Variants in MMS22L observed in about 807,000 individuals in gnomAD.
The protein encoded by MMS22L is MMS22 like, DNA repair protein.
MMS22L carries 74 observed loss-of-function variants against 159.1 expected under a neutral mutation model. The ratio of observed to expected loss-of-function variants is 0.47; its 90% CI spans 0.39 to 0.56. MMS22L has a LOEUF of 0.56. Among genes scored for constraint, MMS22L ranks in the 20% least tolerant of loss-of-function variants. The pLI is 0.00. For synonymous variants in MMS22L, 517 were observed against 506.9 expected (o/e 1.02, Z -0.27); for missense variants, 1,351 against 1,422.1 (o/e 0.95, Z 0.80).
intron 14 of MMS22L, among the ~76,000 whole-genome samples, chr6:97,198,362 C>G (rs1806772077): frequency 6.6e-6 from 1 of 152,176 alleles, no homozygotes; most frequent in African/African-American, 2.4e-5. Context: ...ATTAGAGTTA[C>G]TTCCAGACAT....
chr6:97,254,393 C>A, intron 10 of MMS22L, 164 bp downstream of exon 10: 1 of 624,960 alleles, frequency 1.6e-6, no homozygotes, highest in Non-Finnish European at 2.6e-6. Flanking sequence ...AAAACATAAA[C>A]TTTATAATTT....
chr6:97,157,573 T>C (rs888306976), intron 22 of MMS22L, among the ~76,000 whole-genome samples: 1 of 152,212 alleles, frequency 6.6e-6, no homozygotes, highest in Admixed American at 6.5e-5. Context: ...TCTATTGAGA[T>C]AATCATGTGG....
chr6:97,242,435 C>T (rs1812179159), intron 11 of MMS22L, among the ~76,000 whole-genome samples: 3 of 152,252 alleles, frequency 2.0e-5, no homozygotes, highest in South Asian at 4.1e-4. Context: ...TTTTGGGGTC[C>T]ATTTGAATGG....
intron 11 of MMS22L, among the ~76,000 whole-genome samples, chr6:97,241,583 G>T (rs1812079262): frequency 6.6e-6 from 1 of 151,954 alleles, no homozygotes; most frequent in Non-Finnish European, 1.5e-5. Flanking sequence ...CTGTTTCTTG[G>T]CCATTTACAT....
intron 10 of MMS22L, among the ~76,000 whole-genome samples, chr6:97,247,000 T>A (rs1582778136): frequency 6.9e-6 from 1 of 145,842 alleles, no homozygotes; most frequent in South Asian, 2.2e-4. Context: ...AAAAAAAAAA[T>A]TATATAGCCA....
intron 8 of MMS22L, chr6:97,267,020 C>T (rs1443736498): frequency 6.6e-6 from 1 of 152,080 alleles, no homozygotes; most frequent in African/African-American, 2.4e-5. Context: ...TGAGATAATA[C>T]ATATGCTAAT....
chr6:97,169,083 C>G (rs1407821638), intron 19 of MMS22L, among the ~76,000 whole-genome samples: 2 of 152,044 alleles, frequency 1.3e-5, no homozygotes, highest in Non-Finnish European at 2.9e-5. Flanking sequence ...CACTTAACCT[C>G]CACCAACTTC....
rs577606219 is a variant in MMS22L at position 97,231,508 on chromosome 6, T to C, written c.1447A>G (p.Ile483Val). 8.7e-6 allele frequency: 14 copies of C among 1,613,710 alleles called. No individual in the cohort carries two copies. The highest frequency in any genetic ancestry group is 1.1e-5 in the Non-Finnish European group (13 of 1,179,814). The change falls in exon 13 of 25, where the codon ATT becomes GTT. Residue 483 changes from isoleucine to valine, a missense_variant. Coordinates refer to ENST00000683635, the MANE Select transcript of MMS22L (RefSeq NM_001350599.2). ...ACTTTTGCCAGAATACAAAGAAAAA[T>C]AGTATAACTACTGCTGGATTTATAT... ...ELYKSSSSYTIFLCILAKVVK... is the reference protein window; with the variant it reads ...ELYKSSSSYTVFLCILAKVVK...
chr6:97,253,548 T>A (rs1204630681), intron 10 of MMS22L: 1 of 150,564 alleles, frequency 6.6e-6, no homozygotes, highest in Admixed American at 6.7e-5. Context: ...GCAAACTCCG[T>A]CTCCGGGTTC....
chr6:97,194,098 G>A (rs765235921), intron 14 of MMS22L, among the ~76,000 whole-genome samples: 26 of 143,704 alleles, frequency 1.8e-4, no homozygotes, highest in Non-Finnish European at 2.9e-4. Flanking sequence ...TCGCTCTGGT[G>A]CCAGGCTGGA....
intron 14 of MMS22L, among the ~76,000 whole-genome samples, chr6:97,225,572 G>GTTTTTTTTTTTTTTTTTTTTTT (rs202185434): frequency 7.0e-6 from 1 of 142,060 alleles, no homozygotes; most frequent in African/African-American, 2.6e-5. Flanking sequence ...TGGTCTCGAA[G>GTTTTTTTTTTTTTTTTTTTTTT]TTTTTTTTTT....
At chr6:97,234,861 A>T (rs925606569) in intron 11 of MMS22L, among the ~76,000 whole-genome samples, 1 of 152,260 alleles carries the variant, frequency 6.6e-6, no homozygotes, top group Admixed American at 6.5e-5. Context: ...GTCAATAAAG[A>T]CTTGGAAGAA....
At chr6:97,217,052 TG>T (rs1164994807) in intron 14 of MMS22L, among the ~76,000 whole-genome samples, 2 of 152,190 alleles carry the variant, frequency 1.3e-5, no homozygotes, top group Non-Finnish European at 2.9e-5. Flanking sequence ...TCCACCCTTA[TG>T]TTTTCTCTTT....
rs922214984 is a variant in MMS22L, at chr6:97,198,957, T to C, written c.2040-12267A>G. Among the ~76,000 whole-genome samples the C allele has an allele frequency of 1.1e-4, 17 of 152,140 alleles. No individual in the cohort carries two copies. The South Asian group carries it at 3.5e-3, about 32-fold the overall frequency. ...AAGTTTCATTTTAGTTTTCCCTAGA[T>C]GTAAGGTATTATGTTTATGAACCTA... is the stretch of plus-strand genomic sequence containing the variant. On this transcript the variant is annotated intron_variant, in intron 14 of 24. Coordinates refer to ENST00000683635, the MANE Select transcript of MMS22L (RefSeq NM_001350599.2).
chr6:97,268,249 A>G (rs1815353566), intron 7 of MMS22L, among the ~76,000 whole-genome samples: 1 of 149,352 alleles, frequency 6.7e-6, no homozygotes, highest in African/African-American at 2.5e-5. Context: ...CAGTGACGCG[A>G]TCTCAGATAA....
chr6:97,158,172 T>C (rs1211898040), intron 22 of MMS22L, among the ~76,000 whole-genome samples: 1 of 152,184 alleles, frequency 6.6e-6, no homozygotes. Context: ...GATAACCCCT[T>C]TATCATTTTT....
intron 9 of MMS22L, among the ~76,000 whole-genome samples, chr6:97,258,505 GCA>G (rs1384071291): frequency 3.3e-5 from 5 of 152,106 alleles, no homozygotes; most frequent in Admixed American, 1.3e-4. Flanking sequence ...ATGGAGGTAT[GCA>G]CACACACACA....
chr6:97,271,490 A>G (rs2128091524), intron 6 of MMS22L: 2 of 152,306 alleles, frequency 1.3e-5, no homozygotes, highest in Admixed American at 1.3e-4. Context: ...TCCCTCAACA[A>G]TCTACTCATG....
rs761816619 is a variant in MMS22L, at chr6:97,231,622, A to C, written c.1333T>G (p.Phe445Val). The C allele has an allele frequency of 3.7e-6, 6 of 1,612,860 alleles. No individual in the cohort carries two copies. Among genetic ancestry groups the C allele is most frequent in the Admixed American group, 1.7e-5 (1 of 59,890 alleles). Residue 445 changes from phenylalanine to valine, a missense_variant, in exon 13 of 25, where the codon TTT becomes GTT. Coordinates refer to ENST00000683635, the MANE Select transcript of MMS22L (RefSeq NM_001350599.2). ...TTCATGGTATTAGCAAGGCCTTTAA[A>C]AGGAAGCCAAGAAATACTGAAGGAA... is the stretch of plus-strand genomic sequence containing the variant. ...NSSFSISWLPFKGLANTMKSP... is the reference protein window; with the variant it reads ...NSSFSISWLPVKGLANTMKSP...
Sources: allele counts gnomAD v4.1 joint callset (sites outside exome capture counted in the v4.1 genomes callset), GRCh38; gene constraint gnomAD v4.1.1; transcripts MANE v1.5; gene names NCBI Gene and HGNC (gene_info 2026-07-23, HGNC 2026-07-21).